Variants in PITPNC1 observed in about 807,000 individuals in gnomAD.
PITPNC1 encodes the protein phosphatidylinositol transfer protein cytoplasmic 1, also known as cytoplasmic phosphatidylinositol transfer protein 1.
Under a neutral mutation model 44.7 loss-of-function variants are expected in PITPNC1, and 18 were observed. The ratio of observed to expected loss-of-function variants is 0.40; its 90% CI spans 0.28 to 0.60. PITPNC1 has a LOEUF of 0.60. Among genes scored for constraint, PITPNC1 ranks in the 20% least tolerant of loss-of-function variants. PITPNC1 has a pLI of 0.39. For synonymous variants in PITPNC1, 141 were observed against 149.6 expected (o/e 0.94, Z 0.42); for missense variants, 290 against 418.4 (o/e 0.69, Z 2.68).
chr17:67,619,501 T>C (rs2041803037), intron 5 of PITPNC1, among the ~76,000 whole-genome samples: 1 of 152,052 alleles, frequency 6.6e-6, no homozygotes, highest in Admixed American at 6.6e-5. Context: ...GCATTCTCAC[T>C]CTACTGCCAA....
chr17:67,398,484 G>A (rs753627852), intron 1 of PITPNC1, among the ~76,000 whole-genome samples: 3 of 148,618 alleles, frequency 2.0e-5, no homozygotes, highest in Non-Finnish European at 4.4e-5. Flanking sequence ...AACTTTCTAG[G>A]CATTGGTTGT....
rs967878891 is a variant in PITPNC1 at position 67,410,845 on chromosome 17, G to A, written c.48+32643G>A. Among the ~76,000 whole-genome samples the A allele has an allele frequency of 2.0e-5, 3 of 151,930 alleles. No individual in the cohort carries two copies. In the South Asian group the frequency reaches 6.2e-4, roughly 32 times the overall value. On this transcript the variant is annotated intron_variant, in intron 1 of 8. Coordinates refer to ENST00000581322, the MANE Select transcript of PITPNC1 (RefSeq NM_012417.4). ...CACACCTGTAATCCCAGCACTTTGGGAGGCCGAGGCGGGTGGATCACAAGG... is the reference window on the plus strand; with the variant it reads ...CACACCTGTAATCCCAGCACTTTGGAAGGCCGAGGCGGGTGGATCACAAGG...
intron 5 of PITPNC1, among the ~76,000 whole-genome samples, chr17:67,614,207 G>A (rs2041728212): frequency 6.6e-6 from 1 of 151,962 alleles, no homozygotes. Flanking sequence ...TCAAAATGAA[G>A]TGGGCTTTCC....
At chr17:67,511,057 A>G (rs2040178529) in intron 1 of PITPNC1, among the ~76,000 whole-genome samples, 2 of 152,110 alleles carry the variant, frequency 1.3e-5, no homozygotes, top group Admixed American at 1.3e-4. Flanking sequence ...CTATTCATAT[A>G]TGAGTACACG....
chr17:67,433,555 A>G (rs909153896), intron 1 of PITPNC1, among the ~76,000 whole-genome samples: 3 of 152,116 alleles, frequency 2.0e-5, no homozygotes, highest in Admixed American at 2.0e-4. Context: ...CCTGGGCAAC[A>G]TAGGGAGAGT....
At chr17:67,685,022 G>A (rs1188380258) in intron 8 of PITPNC1, among the ~76,000 whole-genome samples, 1 of 152,236 alleles carries the variant, frequency 6.6e-6, no homozygotes, top group East Asian at 1.9e-4. Context: ...ACCCCCTAAT[G>A]ACATATGTGT....
chr17:67,581,590 C>T (rs1188353524), intron 5 of PITPNC1, among the ~76,000 whole-genome samples: 1 of 152,318 alleles, frequency 6.6e-6, no homozygotes, highest in Non-Finnish European at 1.5e-5. Context: ...CCCTGCTCCA[C>T]GGACCCCAGG....
At chr17:67,435,299 G>A (rs1421588804) in intron 1 of PITPNC1, among the ~76,000 whole-genome samples, 1 of 152,154 alleles carries the variant, frequency 6.6e-6, no homozygotes, top group East Asian at 1.9e-4. Flanking sequence ...CTGGGCCCCA[G>A]AAGTGTTAGT....
intron 1 of PITPNC1, among the ~76,000 whole-genome samples, chr17:67,489,116 T>C (rs2039824485): frequency 6.6e-6 from 1 of 152,194 alleles, no homozygotes; most frequent in Non-Finnish European, 1.5e-5. Context: ...TTTCCCAGAA[T>C]TGGAATTGAT....
intron 1 of PITPNC1, among the ~76,000 whole-genome samples, chr17:67,388,839 C>T (rs1004816096): frequency 2.0e-5 from 3 of 152,210 alleles, no homozygotes; most frequent in Admixed American, 6.5e-5. Flanking sequence ...AGGCTGGTCT[C>T]GAACTCCTGA....
At chr17:67,557,282 C>T (rs572830242) in intron 4 of PITPNC1, among the ~76,000 whole-genome samples, 5 of 152,262 alleles carry the variant, frequency 3.3e-5, no homozygotes, top group African/African-American at 1.2e-4. Context: ...TCATCCCTAC[C>T]TGATTAGTCC....
At chr17:67,494,829 G>A (rs983283370) in intron 1 of PITPNC1, among the ~76,000 whole-genome samples, 2 of 151,746 alleles carry the variant, frequency 1.3e-5, no homozygotes, top group Non-Finnish European at 2.9e-5. Context: ...AAAATTAGTC[G>A]GACGTGGTGC....
chr17:67,379,631 T>C (rs2037927937), intron 1 of PITPNC1, among the ~76,000 whole-genome samples: 2 of 152,120 alleles, frequency 1.3e-5, no homozygotes, highest in Admixed American at 1.3e-4. Flanking sequence ...AAGCAGGACA[T>C]AGCTTTGTGG....
chr17:67,586,490 G>A (rs1371248130), intron 5 of PITPNC1, among the ~76,000 whole-genome samples: 1 of 151,550 alleles, frequency 6.6e-6, no homozygotes, highest in Non-Finnish European at 1.5e-5. Flanking sequence ...TGCTACTCAG[G>A]AGGCTGAGGC....
At chr17:67,595,115 G>A (rs947291043) in intron 5 of PITPNC1, among the ~76,000 whole-genome samples, 1 of 152,110 alleles carries the variant, frequency 6.6e-6, no homozygotes, top group Admixed American at 6.6e-5. Flanking sequence ...CTTTTGCATA[G>A]GATATTGAGA....
At chr17:67,623,673 C>T (rs186862762) in intron 5 of PITPNC1, among the ~76,000 whole-genome samples, 86 of 152,324 alleles carry the variant, frequency 5.6e-4, no homozygotes, top group African/African-American at 2.0e-3. Context: ...CATGAGCCAC[C>T]TTGCCCACCT....
chr17:67,410,572 G>A (rs2038480438), intron 1 of PITPNC1, among the ~76,000 whole-genome samples: 1 of 151,876 alleles, frequency 6.6e-6, no homozygotes, highest in Non-Finnish European at 1.5e-5. Flanking sequence ...TTTTTGTAGC[G>A]ATGAAGTCTC....
chr17:67,572,962 G>C (rs2041083258), intron 4 of PITPNC1, among the ~76,000 whole-genome samples: 1 of 152,194 alleles, frequency 6.6e-6, no homozygotes, highest in Non-Finnish European at 1.5e-5. Flanking sequence ...AGCTGGAAGA[G>C]ACAAGGACAG....
At chr17:67,462,376 C>T (rs952425264) in intron 1 of PITPNC1, among the ~76,000 whole-genome samples, 8 of 151,502 alleles carry the variant, frequency 5.3e-5, no homozygotes, top group Middle Eastern at 3.2e-3. Context: ...GGATTATAGG[C>T]GCCCACCACC....
Sources: allele counts gnomAD v4.1 joint callset (sites outside exome capture counted in the v4.1 genomes callset), GRCh38; gene constraint gnomAD v4.1.1; transcripts MANE v1.5; gene names NCBI Gene and HGNC (gene_info 2026-07-23, HGNC 2026-07-21).